The following ARHGAP31 variants were observed in gnomAD, a reference collection of about 807,000 sequenced individuals.
The protein encoded by ARHGAP31 is rho GTPase-activating protein 31.
ARHGAP31 carries 34 observed loss-of-function variants against 113.9 expected under a neutral mutation model. The observed-to-expected ratio is 0.30, with a 90% CI of 0.23 to 0.40. The LOEUF is 0.40. Ranked by LOEUF, ARHGAP31 falls within the 10% of genes least tolerant of loss-of-function variation. The pLI, the probability that ARHGAP31 is intolerant of heterozygous loss-of-function variation, is 1.00. For synonymous variants in ARHGAP31, 650 were observed against 684.8 expected, an observed-to-expected ratio of 0.95 and a Z score of 0.79; for missense variants, 1,548 against 1,767.1, an observed-to-expected ratio of 0.88 and a Z score of 2.22.
chr3:119,325,588 G>C (rs1293732969), intron 1 of ARHGAP31, among the ~76,000 whole-genome samples: 1 of 151,702 alleles, frequency 6.6e-6, no homozygotes, highest in Non-Finnish European at 1.5e-5. Flanking sequence ...AGGGGAGAAA[G>C]GGTGGAGGGG....
intron 1 of ARHGAP31, among the ~76,000 whole-genome samples, chr3:119,324,739 C>T (rs2079826828): frequency 6.6e-6 from 1 of 152,190 alleles, no homozygotes; most frequent in Non-Finnish European, 1.5e-5. Flanking sequence ...TTTCTCTACT[C>T]TCAACCCCTA....
At position 119,294,829 on chromosome 3, in the gene ARHGAP31, C is replaced by A; in HGVS notation, c.-76C>A. 1.5e-6 allele frequency: 2 copies of A among 1,370,844 alleles called. No individual in the cohort carries two copies. The highest frequency in any genetic ancestry group is 2.1e-6 in the Non-Finnish European group (2 of 960,820). The allele number at this position is 1,370,844 out of a possible 1,614,324, so 84.9% of individuals were successfully genotyped here. A position where few individuals can be genotyped will look rare whatever the true frequency, so the allele number is the denominator to read the frequency against. On this transcript the variant is annotated 5_prime_UTR_variant, in exon 1 of 12. Coordinates refer to ENST00000264245, the MANE Select transcript of ARHGAP31 (RefSeq NM_020754.4). The stretch of plus-strand genomic sequence containing the variant: ...AGCCGCGGGGCAGCCGGTGATCTAG[C>A]CCGGGAGCCCATCTTACAGCGGTGC...
intron 1 of ARHGAP31, among the ~76,000 whole-genome samples, chr3:119,336,810 G>A (rs2079953918): frequency 6.6e-6 from 1 of 151,996 alleles, no homozygotes; most frequent in Admixed American, 6.6e-5. Flanking sequence ...ATTTCCCATT[G>A]CCCCACCTTC....
intron 3 of ARHGAP31, among the ~76,000 whole-genome samples, chr3:119,373,335 A>G (rs2080318603): frequency 6.6e-6 from 1 of 152,212 alleles, no homozygotes; most frequent in South Asian, 2.1e-4. Context: ...AAATTGAATT[A>G]TTTAAAAAGT....
intron 1 of ARHGAP31, among the ~76,000 whole-genome samples, chr3:119,305,442 A>C (rs1049499631): frequency 1.3e-5 from 2 of 152,180 alleles, no homozygotes; most frequent in Non-Finnish European, 2.9e-5. Context: ...TGTTTCCTGC[A>C]TGCTGGGTAT....
intron 1 of ARHGAP31, among the ~76,000 whole-genome samples, chr3:119,338,690 T>G (rs1336926422): frequency 6.6e-6 from 1 of 152,178 alleles, no homozygotes; most frequent in Non-Finnish European, 1.5e-5. Context: ...CAAGTTAAGC[T>G]TGGAAAGAGT....
At chr3:119,327,553 A>G (rs1319870864) in intron 1 of ARHGAP31, among the ~76,000 whole-genome samples, 1 of 152,190 alleles carries the variant, frequency 6.6e-6, no homozygotes, top group African/African-American at 2.4e-5. Context: ...TCAAAAAAAT[A>G]AATAAATAAA....
At chr3:119,352,157 C>T (rs932257481) in intron 1 of ARHGAP31, among the ~76,000 whole-genome samples, 1 of 152,204 alleles carries the variant, frequency 6.6e-6, no homozygotes, top group African/African-American at 2.4e-5. Flanking sequence ...CCCTTCTGTA[C>T]AGTTTCTATG....
intron 4 of ARHGAP31, among the ~76,000 whole-genome samples, chr3:119,381,934 T>C (rs369843134): frequency 5.7e-4 from 79 of 139,012 alleles, no homozygotes; most frequent in South Asian, 1.1e-3. Flanking sequence ...TGCAGTGAGC[T>C]GAGATCGCGC....
chr3:119,373,496 C>T (rs1011843381), intron 3 of ARHGAP31, among the ~76,000 whole-genome samples: 2 of 150,718 alleles, frequency 1.3e-5, no homozygotes, highest in Non-Finnish European at 2.9e-5. Context: ...TGGAGTCTTG[C>T]TCTGTCGCCC....
In ARHGAP31 at chr3:119,414,710, C is replaced by T; in HGVS notation, c.2781C>T (p.His927=). 6.2e-7 allele frequency: 1 copy of T among 1,614,192 alleles called. No individual in the cohort carries two copies. Among genetic ancestry groups the T allele is most frequent in the Middle Eastern group, 1.6e-4 (1 of 6,062 alleles). The change falls in exon 12 of 12, where the codon CAC becomes CAT. Residue 927 remains histidine, a synonymous_variant. Coordinates refer to ENST00000264245, the MANE Select transcript of ARHGAP31 (RefSeq NM_020754.4). The part of the protein sequence containing the change: ...PLHSPTLKDA[H]KAQVQGLQGH... ...ACTCTCCCACCCTGAAAGACGCGCA[C>T]AAGGCCCAGGTACAGGGCCTTCAGG...
At chr3:119,397,337 G>A (rs542269921) in intron 8 of ARHGAP31, among the ~76,000 whole-genome samples, 7 of 152,268 alleles carry the variant, frequency 4.6e-5, no homozygotes, top group South Asian at 2.1e-4. Context: ...GCTGCTACCC[G>A]GCCTCTGTGA....
chr3:119,329,748 A>G (rs934315161), intron 1 of ARHGAP31: 1 of 966,144 alleles, frequency 1.0e-6, no homozygotes, highest in Admixed American at 6.2e-5. Flanking sequence ...CTGCCCGCTC[A>G]CAGAGCTCAC....
chr3:119,393,063 G>C (rs138501523), intron 7 of ARHGAP31, among the ~76,000 whole-genome samples: 63 of 152,312 alleles, frequency 4.1e-4, no homozygotes, highest in Middle Eastern at 3.4e-3. Flanking sequence ...GCAAGATAGT[G>C]AGACCCCCAT....
In ARHGAP31 at chr3:119,401,858, C is replaced by T; in HGVS notation, c.1106C>T (p.Thr369Ile). The change falls in exon 10 of 12, where the codon ACC (threonine) becomes ATC (isoleucine). Residue 369 changes from threonine to isoleucine, a missense_variant. By Grantham distance (89) the Thr-to-Ile change is moderately conservative. Transcript: ENST00000264245. ...AAGGGAAATTTCAATCGAACAGTTACCACCGGTGGATTTTTCATTCCAGCA... is the reference window on the plus strand; with the variant it reads ...AAGGGAAATTTCAATCGAACAGTTATCACCGGTGGATTTTTCATTCCAGCA... Reference protein sequence around the residue: ...ETKGNFNRTVTTGGFFIPATK... With the variant: ...ETKGNFNRTVITGGFFIPATK... 6.2e-7 allele frequency: 1 copy of T among 1,614,064 alleles called. No individual in the cohort carries two copies. Among genetic ancestry groups the T allele is most frequent in the Non-Finnish European group, 8.5e-7 (1 of 1,180,022 alleles).
intron 6 of ARHGAP31, among the ~76,000 whole-genome samples, chr3:119,388,892 C>G (rs1327329832): frequency 6.6e-6 from 1 of 152,130 alleles, no homozygotes; most frequent in Non-Finnish European, 1.5e-5. Context: ...CGCGGTGGCT[C>G]ACACCTGCAA....
At chr3:119,365,550 G>T in intron 2 of ARHGAP31, 132 bp downstream of exon 2, 1 of 802,442 alleles carries the variant, frequency 1.2e-6, no homozygotes, top group African/African-American at 1.7e-5. Flanking sequence ...AAGATCAGAT[G>T]CAGTGGTTTT....
chr3:119,298,346 T>G (rs950821619), intron 1 of ARHGAP31, among the ~76,000 whole-genome samples: 2 of 152,236 alleles, frequency 1.3e-5, no homozygotes, highest in Non-Finnish European at 2.9e-5. Context: ...AGAAGGCCCT[T>G]GCTTGCAGCT....
intron 1 of ARHGAP31, among the ~76,000 whole-genome samples, chr3:119,338,591 C>G (rs1188106840): frequency 6.6e-6 from 1 of 152,154 alleles, no homozygotes; most frequent in Admixed American, 6.5e-5. Context: ...TCATACGTGA[C>G]ATATTTTACT....
Sources: allele counts gnomAD v4.1 joint callset (sites outside exome capture counted in the v4.1 genomes callset), GRCh38; gene constraint gnomAD v4.1.1; transcripts MANE v1.5; gene names NCBI Gene and HGNC (gene_info 2026-07-23, HGNC 2026-07-21).